EPS8L2: variants seen among roughly 807,000 people sequenced by gnomAD.
The protein encoded by EPS8L2 is epidermal growth factor receptor kinase substrate 8-like protein 2.
In EPS8L2, 81 loss-of-function variants were observed where a neutral mutation model predicts 99.4. The ratio of observed to expected loss-of-function variants is 0.82; its 90% confidence interval spans 0.68 to 0.98. The LOEUF (loss-of-function observed/expected upper bound fraction) is 0.98. Among genes scored for constraint, EPS8L2 ranks in the 50% least tolerant of loss-of-function variants. EPS8L2 has a pLI of 0.00. For synonymous variants in EPS8L2, 509 were observed against 407.3 expected, an observed-to-expected ratio of 1.25 and a Z score of -3.01; for missense variants, 1,155 against 968.8, an observed-to-expected ratio of 1.19 and a Z score of -2.55.
chr11:727,192 A>C lies in EPS8L2; in HGVS notation c.*211A>C. 1 of 450,994 alleles carries C rather than the reference A, an allele frequency of 2.2e-6. No individual in the cohort carries two copies. Among genetic ancestry groups the C allele is most frequent in the South Asian group, 2.7e-5 (1 of 37,352 alleles). 27.9% of individuals were successfully genotyped at this position (450,994 alleles called of 1,614,324 possible). On this transcript the variant is annotated 3_prime_UTR_variant, in exon 21 of 21. Transcript: ENST00000318562. ...CCCACACCAAGACTAATCTCAGCCA[A>C]ACCTGCTGCTTGGTGGTGCCAGCCC... is the stretch of plus-strand genomic sequence containing the variant.
At position 706,238 on chromosome 11, in the gene EPS8L2, C is replaced by T. The variant is rs1226991254; in HGVS notation, c.-129C>T. ...CCCGGCCGAGGCGCGAACAGACGGACGCACCGGCGAGCGCCGAGGGGACAG... is the reference window on the plus strand; with the variant it reads ...CCCGGCCGAGGCGCGAACAGACGGATGCACCGGCGAGCGCCGAGGGGACAG... On this transcript the variant is annotated 5_prime_UTR_variant, in exon 1 of 21. The change creates a new upstream start codon in the 5' untranslated region. Coordinates refer to ENST00000318562, the MANE Select transcript of EPS8L2 (RefSeq NM_022772.4). 3 of 151,998 alleles carry T rather than the reference C, an allele frequency of 2.0e-5. No homozygotes were observed. Among genetic ancestry groups the T allele is most frequent in the Admixed American group, 2.0e-4 (3 of 15,256 alleles). The allele number at this position is 151,998 out of a possible 1,614,324, so 9.4% of individuals were successfully genotyped here. A position where few individuals can be genotyped will look rare whatever the true frequency, so the allele number is the denominator to read the frequency against.
chr11:722,826 C>A (rs1320646404), intron 14 of EPS8L2, 21 bp downstream of exon 14: 25 of 1,507,536 alleles, frequency 1.7e-5, no homozygotes, highest in Non-Finnish European at 1.9e-5. Flanking sequence ...CAGCAGCCCC[C>A]ATCCCTACCC....
Position 722,739 on chromosome 11 carries a change from T to C in EPS8L2, c.1275T>C (p.Pro425=). The change falls in exon 14 of 21, where the codon CCT becomes CCC. Residue 425 remains proline (P), a synonymous_variant. Coordinates refer to ENST00000318562, the MANE Select transcript of EPS8L2 (RefSeq NM_022772.4). ...CCAAGTTCCACAGCGGCTGGGAGCC[T>C]CCTGTGGATGTGCTGCAGGAGGCCC... ...YVPKFHSGWE[P]PVDVLQEAPW... is the part of the protein sequence containing the mutation. The C allele has an allele frequency of 6.2e-7, 1 of 1,606,182 alleles. No individual in the cohort carries two copies. Among genetic ancestry groups the C allele is most frequent in the Non-Finnish European group, 8.5e-7 (1 of 1,177,294 alleles).
intron 17 of EPS8L2, 31 bp downstream of exon 17, chr11:725,878 C>A: frequency 7.9e-7 from 1 of 1,261,098 alleles, no homozygotes; most frequent in Non-Finnish European, 9.9e-7. Flanking sequence ...GGGGTCGCAG[C>A]CCCCAGCTTC....
At chr11:711,980 C>T (rs1297533965) in intron 4 of EPS8L2, among the ~76,000 whole-genome samples, 2 of 146,812 alleles carry the variant, frequency 1.4e-5, no homozygotes, top group Non-Finnish European at 3.0e-5. Context: ...GAGACTCCAT[C>T]TCAAAAAAGA....
At position 720,585 on chromosome 11, in the gene EPS8L2, A is replaced by G. The variant is rs1862130324; in HGVS notation, c.328-12A>G. The G allele has an allele frequency of 1.3e-6, 2 of 1,595,686 alleles. No homozygotes were observed. The highest frequency in any genetic ancestry group is 4.5e-5 in the East Asian group (2 of 44,158). ...CCCGGGTGCGAGTCGTGTCCGCGCGATGTACCCGCAGGAGGAGCTGGAAGA... is the reference window on the plus strand; with the variant it reads ...CCCGGGTGCGAGTCGTGTCCGCGCGGTGTACCCGCAGGAGGAGCTGGAAGA... On this transcript the variant is annotated splice_polypyrimidine_tract_variant and intron_variant, in intron 5 of 20. Transcript: ENST00000318562.
chr11:720,941 G>GGGGGGGAGGGGAGGA, intron 7 of EPS8L2, 32 bp downstream of exon 7: 1 of 1,528,624 alleles, frequency 6.5e-7, no homozygotes, highest in Non-Finnish European at 8.7e-7. Context: ...GGTCGCAGGG[G>GGGGGGGAGGGGAGGA]GCGGGGAGGG....
At position 720,628 on chromosome 11, in the gene EPS8L2, TGCAGC is replaced by T; in HGVS notation, c.365_369del (p.Arg122ProfsTer34). On this transcript the variant is annotated frameshift_variant, in exon 6 of 21. Coordinates refer to ENST00000318562, the MANE Select transcript of EPS8L2 (RefSeq NM_022772.4). LOFTEE classifies it high-confidence loss of function. ...CTGGAAGACTTCCCGCTGCCCACGG[TGCAGC>T]GCAGCCAGACGGTCCTCAACCAGCT... 6.2e-7 allele frequency: 1 copy of T among 1,600,028 alleles called. No individual in the cohort carries two copies. The highest frequency in any genetic ancestry group is 8.5e-7 in the Non-Finnish European group (1 of 1,175,038).
chr11:721,501 C>T lies in EPS8L2; in HGVS notation c.769-64C>T, dbSNP rs1428167758. 14 of 1,515,784 alleles carry T rather than the reference C, an allele frequency of 9.2e-6. No individual in the cohort carries two copies. In the East Asian group the frequency reaches 1.6e-4, roughly 17 times the overall value. The allele number at this position is 1,515,784 out of a possible 1,614,324, so 93.9% of individuals were successfully genotyped here. On this transcript the variant is annotated intron_variant, in intron 9 of 20. Coordinates refer to ENST00000318562, the MANE Select transcript of EPS8L2 (RefSeq NM_022772.4). ...CTCCTCCCATCATCTGTGGGGCTGTCCCTGCAGCAAGGCGGGGCGGTGGGG... is the reference window on the plus strand; with the variant it reads ...CTCCTCCCATCATCTGTGGGGCTGTTCCTGCAGCAAGGCGGGGCGGTGGGG...
chr11:726,466 C>T lies in EPS8L2; in HGVS notation c.1916C>T (p.Ala639Val), dbSNP rs750070154. ...GPDEVRAWLE[A>V]KAFSPRIVEN... ...GACGAGGTCCGCGCCTGGCTGGAAG[C>T]CAAGGCCTTCAGCCCGCGGTGAGCG... Residue 639 changes from alanine to valine, a missense_variant, in exon 19 of 21, where the codon GCC (alanine) becomes GTC (valine). Physicochemically the swap from Ala to Val is moderately conservative, Grantham distance 64. Transcript: ENST00000318562. 3 of 1,570,446 alleles carry T rather than the reference C, an allele frequency of 1.9e-6. No homozygotes were observed. Among genetic ancestry groups the T allele is most frequent in the African/African-American group, 1.4e-5 (1 of 73,634 alleles).
chr11:717,133 C>T (rs1035964985), intron 4 of EPS8L2, among the ~76,000 whole-genome samples: 3 of 152,112 alleles, frequency 2.0e-5, no homozygotes, highest in South Asian at 2.1e-4. Flanking sequence ...CCCACCACCA[C>T]GCCGGGCTAA....
At chr11:722,574 G>T in intron 13 of EPS8L2, 25 bp downstream of exon 13, 1 of 1,611,944 alleles carries the variant, frequency 6.2e-7, no homozygotes. Flanking sequence ...AGCAGTGCCG[G>T]GGCTTCATGG....
chr11:724,607 A>T lies in EPS8L2; in HGVS notation c.1455-117A>T. On this transcript the variant is annotated intron_variant, in intron 15 of 20. Transcript: ENST00000318562. This position sits in a 1 kb window ranked among gnomAD's most constrained non-coding sequence, Gnocchi z 5.5. ...GCAGCCTCTCTCCACGGTGACCTCC[A>T]GAACAGAAAAGAGGCAGCCAGTCGT... 1 of 716,208 alleles carries T rather than the reference A, an allele frequency of 1.4e-6. No homozygotes were observed. The highest frequency in any genetic ancestry group is 2.5e-6 in the Non-Finnish European group (1 of 401,834). 44.4% of individuals were successfully genotyped at this position (716,208 alleles called of 1,614,324 possible). A position where few individuals can be genotyped will look rare whatever the true frequency, so the allele number is the denominator to read the frequency against.
chr11:706,483 G>C (rs748141105), intron 1 of EPS8L2, 195 bp downstream of exon 1: 5 of 152,232 alleles, frequency 3.3e-5, no homozygotes, highest in African/African-American at 4.8e-5. Flanking sequence ...TCTCCTGGAC[G>C]GGTCCTGCTG....
At position 726,753 on chromosome 11, in the gene EPS8L2, T is replaced by C. The variant is rs879189091; in HGVS notation, c.2067+2T>C. On this transcript the variant is annotated splice_donor_variant, in intron 20 of 20. Coordinates refer to ENST00000318562, the MANE Select transcript of EPS8L2 (RefSeq NM_022772.4). LOFTEE classifies it high-confidence loss of function. ...ACCATGCAGAAGGCCTTCCTGGAGG[T>C]GAGCCCGCCTGCGCTCCGGCGCCAC... 4 of 1,585,778 alleles carry C rather than the reference T, an allele frequency of 2.5e-6. No individual in the cohort carries two copies. The highest frequency in any genetic ancestry group is 3.4e-6 in the Non-Finnish European group (4 of 1,168,186).
At chr11:706,366 G>A (rs79951237) in intron 1 of EPS8L2, 78 bp downstream of exon 1, 7,515 of 152,402 alleles carry the variant, frequency 0.049, 365 homozygotes, top group East Asian at 0.19. Context: ...GGGGCTTCTG[G>A]TTCAGGACAC....
At chr11:714,497 C>T (rs554709823) in intron 4 of EPS8L2, among the ~76,000 whole-genome samples, 2 of 151,970 alleles carry the variant, frequency 1.3e-5, no homozygotes, top group South Asian at 4.1e-4. Flanking sequence ...TCCCAAAGTG[C>T]TGGGATTACA....
In EPS8L2 at chr11:724,630, C is replaced by T. The variant is rs1407989344; in HGVS notation, c.1455-94C>T. 9 of 829,204 alleles carry T rather than the reference C, an allele frequency of 1.1e-5. No homozygotes were observed. Among genetic ancestry groups the T allele is most frequent in the East Asian group, 2.5e-5 (1 of 40,314 alleles). 51.4% of individuals were successfully genotyped at this position (829,204 alleles called of 1,614,324 possible). The stretch of plus-strand genomic sequence containing the variant: ...CCAGAACAGAAAAGAGGCAGCCAGT[C>T]GTGCACCTGGGAAGCTGCTGCCCCC... On this transcript the variant is annotated intron_variant, in intron 15 of 20. Coordinates refer to ENST00000318562, the MANE Select transcript of EPS8L2 (RefSeq NM_022772.4). This position sits in a 1 kb window ranked among gnomAD's most constrained non-coding sequence, Gnocchi z 5.5.
In EPS8L2 at chr11:709,349, C is replaced by G; in HGVS notation, c.-59C>G. On this transcript the variant is annotated 5_prime_UTR_variant, in exon 2 of 21. Coordinates refer to ENST00000318562, the MANE Select transcript of EPS8L2 (RefSeq NM_022772.4). The stretch of plus-strand genomic sequence containing the variant: ...ACCCAGGTGTGGGACAGGCACTGGC[C>G]TCAGACCGGGGCCACACTGAGGTCT... 6.5e-7 allele frequency: 1 copy of G among 1,543,544 alleles called. No homozygotes were observed. The highest frequency in any genetic ancestry group is 8.8e-7 in the Non-Finnish European group (1 of 1,141,986).
Sources: gnomAD v4.1 joint callset for allele counts (sites outside exome capture counted in the v4.1 genomes callset) on GRCh38, gnomAD v4.1.1 for gene constraint, Gnocchi (gnomAD v3.1) non-coding constraint, MANE v1.5 for transcripts, NCBI Gene and HGNC (gene_info 2026-07-23, HGNC 2026-07-21) for gene names.